WDR45B: variants seen among roughly 807,000 people sequenced by gnomAD.
WDR45B encodes WD repeat domain phosphoinositide-interacting protein 3.
In WDR45B, 20 loss-of-function variants were observed where a neutral mutation model predicts 44.6. That is an observed-to-expected ratio of 0.45 (90% confidence interval 0.32 to 0.65). The LOEUF (loss-of-function observed/expected upper bound fraction) is 0.65, where lower values mean the gene tolerates loss of function less well. WDR45B is among the 30% of genes least tolerant of loss of function. WDR45B has a pLI of 0.05. For synonymous variants in WDR45B, 169 were observed against 164.9 expected, an observed-to-expected ratio of 1.02 and a Z score of -0.19; for missense variants, 323 against 430.2, an observed-to-expected ratio of 0.75 and a Z score of 2.20.
At chr17:82,616,129 G>T in intron 9 of WDR45B, 104 bp from the exon 10 acceptor site, 1 of 1,136,924 alleles carries the variant, frequency 8.8e-7, no homozygotes, top group Non-Finnish European at 1.3e-6. Context: ...GAGCCAGGCA[G>T]CTGCTCTGAA....
chr17:82,629,407 G>C (rs915852222), intron 3 of WDR45B: 17 of 726,924 alleles, frequency 2.3e-5, no homozygotes, highest in African/African-American at 3.8e-5. Context: ...TGCTCTCTCT[G>C]TGGAACCTCC....
At chr17:82,616,071 A>C (rs1176357768) in intron 9 of WDR45B, 46 bp from the exon 10 acceptor site, 1 of 1,559,636 alleles carries the variant, frequency 6.4e-7, no homozygotes. Context: ...CTTTCCCTCA[A>C]GTTAAAAGCA....
At chr17:82,625,286 CCAAG>C in intron 5 of WDR45B, 99 bp downstream of exon 5, 1 of 1,178,522 alleles carries the variant, frequency 8.5e-7, no homozygotes, top group Non-Finnish European at 1.3e-6. Context: ...ATTGCTCTCG[CCAAG>C]CACTTTGCTC....
chr17:82,635,782 T>C (rs1161879832), intron 2 of WDR45B, among the ~76,000 whole-genome samples: 1 of 151,896 alleles, frequency 6.6e-6, no homozygotes, highest in Non-Finnish European at 1.5e-5. Context: ...TTCTAGCTAA[T>C]GGTTAAGTAA....
intron 2 of WDR45B, among the ~76,000 whole-genome samples, chr17:82,632,979 A>G (rs2045787245): frequency 6.6e-6 from 1 of 152,134 alleles, no homozygotes; most frequent in Admixed American, 6.6e-5. Context: ...CCTGGCCAAC[A>G]TAGTGAAACT....
rs984226932 is a variant in WDR45B, at chr17:82,615,336, A to G, written c.*583T>C. Reference sequence around the variant, plus strand: ...CCACGTTGCGGGTACGGAGAAGACCACAGGCTGGGCTCACACGAGGGGAAA... The same window carrying G: ...CCACGTTGCGGGTACGGAGAAGACCGCAGGCTGGGCTCACACGAGGGGAAA... On this transcript the variant is annotated 3_prime_UTR_variant, in exon 10 of 10. Coordinates refer to ENST00000392325, the MANE Select transcript of WDR45B (RefSeq NM_019613.4). 1 of 163,522 alleles carries G rather than the reference A, an allele frequency of 6.1e-6. No homozygotes were observed. The highest frequency in any genetic ancestry group is 1.4e-5 in the Non-Finnish European group (1 of 73,908). The allele number at this position is 163,522 out of a possible 1,614,324, so 10.1% of individuals were successfully genotyped here.
chr17:82,640,779 T>A (rs537950900), intron 2 of WDR45B, among the ~76,000 whole-genome samples: 13 of 152,238 alleles, frequency 8.5e-5, no homozygotes, highest in African/African-American at 3.1e-4. Flanking sequence ...TCTACTCACA[T>A]AAGCTGGAAA....
chr17:82,646,266 G>A (rs2045974040), intron 1 of WDR45B, among the ~76,000 whole-genome samples: 1 of 151,688 alleles, frequency 6.6e-6, no homozygotes, highest in South Asian at 2.1e-4. Flanking sequence ...CGAGGTGGGC[G>A]GATCACCTGA....
chr17:82,648,397 G>C lies in WDR45B; in HGVS notation c.-57C>G, dbSNP rs1490795689. 4 of 1,581,962 alleles carry C rather than the reference G, an allele frequency of 2.5e-6. No individual in the cohort carries two copies. The highest frequency in any genetic ancestry group is 3.4e-6 in the Non-Finnish European group (4 of 1,165,808). ...CGCTGCATGCCTCTCGCTGGGGACG[G>C]CGGCCTGGTCCCTTCGGGCCGGCGC... is the stretch of plus-strand genomic sequence containing the variant. On this transcript the variant is annotated 5_prime_UTR_variant, in exon 1 of 10. Transcript: ENST00000392325.
At chr17:82,624,301 G>A (rs546451746) in intron 5 of WDR45B, among the ~76,000 whole-genome samples, 5 of 152,310 alleles carry the variant, frequency 3.3e-5, no homozygotes, top group South Asian at 2.1e-4. Flanking sequence ...TCACTCTGTC[G>A]CCCAGGCGGG....
intron 2 of WDR45B, among the ~76,000 whole-genome samples, chr17:82,631,613 A>G (rs1024206901): frequency 2.6e-5 from 3 of 114,898 alleles, no homozygotes; most frequent in African/African-American, 1.2e-4. Flanking sequence ...TCAGCAATTT[A>G]TATCTAACTA....
chr17:82,632,722 T>G (rs2045783667), intron 2 of WDR45B, among the ~76,000 whole-genome samples: 1 of 152,068 alleles, frequency 6.6e-6, no homozygotes. Flanking sequence ...CAGCTCGATC[T>G]TCGAGATATT....
Position 82,630,840 on chromosome 17 carries a change from A to G in WDR45B, c.244+81T>C, listed in dbSNP as rs1377486911. The stretch of plus-strand genomic sequence containing the variant: ...ACAGAACTACTAGGGAAAATCACAC[A>G]TGGCCACAAACATAAACGCATTCAA... On this transcript the variant is annotated intron_variant, in intron 3 of 9. Coordinates refer to ENST00000392325, the MANE Select transcript of WDR45B (RefSeq NM_019613.4). 7 of 1,301,360 alleles carry G rather than the reference A, an allele frequency of 5.4e-6. No individual in the cohort carries two copies. In the South Asian group the frequency reaches 5.9e-5, roughly 11 times the overall value. The allele number at this position is 1,301,360 out of a possible 1,614,324, so 80.6% of individuals were successfully genotyped here. A position where few individuals can be genotyped will look rare whatever the true frequency, so the allele number is the denominator to read the frequency against.
In WDR45B at chr17:82,634,782, G is replaced by C. The variant is rs183265775; in HGVS notation, c.143-3760C>G. 1.5e-3 allele frequency among the ~76,000 whole-genome samples: 235 copies of C among 152,062 alleles called. 2 individuals carry two copies. Among genetic ancestry groups the C allele is most frequent in the Middle Eastern group, 0.01 (3 of 294 alleles). On this transcript the variant is annotated intron_variant, in intron 2 of 9. Coordinates refer to ENST00000392325, the MANE Select transcript of WDR45B (RefSeq NM_019613.4). ...AGGTCTCACTATGTTGCCCAGACTG[G>C]TCTCAAACTCCTGGCCTCAAGCAAT...
rs1252717400 is a variant in WDR45B, at chr17:82,635,078, G to A, written c.143-4056C>T. On this transcript the variant is annotated intron_variant, in intron 2 of 9. Coordinates refer to ENST00000392325, the MANE Select transcript of WDR45B (RefSeq NM_019613.4). ...TCCCAAGATGAAATTCTAGAGGTCC[G>A]TTTAACAACAATGTGAATATATTCA... 2.6e-5 allele frequency among the ~76,000 whole-genome samples: 4 copies of A among 151,942 alleles called. No homozygotes were observed. The South Asian group carries it at 6.2e-4, about 24-fold the overall frequency.
intron 2 of WDR45B, among the ~76,000 whole-genome samples, chr17:82,638,861 T>A (rs1598276880): frequency 6.6e-6 from 1 of 152,080 alleles, no homozygotes; most frequent in East Asian, 1.9e-4. Context: ...TCTCGCTCTG[T>A]CACCAGGCTG....
chr17:82,617,464 A>G (rs2045552529), intron 7 of WDR45B, 67 bp from the exon 8 acceptor site: 7 of 1,503,076 alleles, frequency 4.7e-6, no homozygotes, highest in East Asian at 4.5e-5. Context: ...CTTAACCCAC[A>G]GCACTTGTCG....
intron 4 of WDR45B, among the ~76,000 whole-genome samples, chr17:82,626,533 CAAAAAAAAAAAAAAAA>C (rs562186058): frequency 1.3e-5 from 1 of 79,460 alleles, no homozygotes; most frequent in Non-Finnish European, 2.1e-5. Context: ...CTCTATCTCC[CAAAAAAAAAAAAAAAA>C]AAAAAAAAAG....
In WDR45B at chr17:82,615,201, G is replaced by A. The variant is rs1567998684; in HGVS notation, c.*718C>T. On this transcript the variant is annotated 3_prime_UTR_variant, in exon 10 of 10. Transcript: ENST00000392325. Reference sequence around the variant, plus strand: ...CCGTCCCCGCCCCGCACACGCCTGAGGTGTGACGGCTCGGCTTCTAGAGTG... The same window carrying A: ...CCGTCCCCGCCCCGCACACGCCTGAAGTGTGACGGCTCGGCTTCTAGAGTG... 1 of 154,036 alleles carries A rather than the reference G, an allele frequency of 6.5e-6. No homozygotes were observed. Among genetic ancestry groups the A allele is most frequent in the Non-Finnish European group, 1.4e-5 (1 of 69,290 alleles). The allele number at this position is 154,036 out of a possible 1,614,324, so 9.5% of individuals were successfully genotyped here.
Sources: gnomAD v4.1 joint callset for allele counts (sites outside exome capture counted in the v4.1 genomes callset) on GRCh38, gnomAD v4.1.1 for gene constraint, MANE v1.5 for transcripts, NCBI Gene and HGNC (gene_info 2026-07-23, HGNC 2026-07-21) for gene names.